The following ANK1 variants were observed in gnomAD, a reference collection of about 807,000 sequenced individuals.
The protein encoded by ANK1 is ankyrin-1.
In ANK1, 51 loss-of-function variants were observed where a neutral mutation model predicts 210.4. That is an observed-to-expected ratio of 0.24 (90% CI 0.19 to 0.31). The LOEUF is 0.31. ANK1 is among the 10% of genes least tolerant of loss of function. ANK1 has a pLI of 1.00. For synonymous variants in ANK1, 967 were observed against 1,025.9 expected (o/e 0.94, Z 1.10); for missense variants, 2,051 against 2,504.4 (o/e 0.82, Z 3.86).
intron 11 of ANK1, among the ~76,000 whole-genome samples, chr8:41,717,904 T>C (rs1274532169): frequency 6.6e-6 from 1 of 152,206 alleles, no homozygotes; most frequent in Non-Finnish European, 1.5e-5. Flanking sequence ...TTGCAAAAAT[T>C]GTGTCTGATC....
intron 1 of ANK1, among the ~76,000 whole-genome samples, chr8:41,860,250 C>A (rs568303718): frequency 1.3e-5 from 2 of 152,166 alleles, no homozygotes; most frequent in African/African-American, 4.8e-5. Flanking sequence ...ATTTATCCCC[C>A]ACGCTGGACA....
intron 2 of ANK1, among the ~76,000 whole-genome samples, chr8:41,734,546 T>C (rs1475193601): frequency 6.6e-6 from 1 of 152,136 alleles, no homozygotes; most frequent in Non-Finnish European, 1.5e-5. Flanking sequence ...GAGAAATGAA[T>C]ACCACCAACC....
intron 37 of ANK1, 90 bp downstream of exon 37, chr8:41,684,454 G>T: frequency 6.4e-7 from 1 of 1,571,482 alleles, no homozygotes; most frequent in Non-Finnish European, 8.7e-7. Context: ...GGGCTTTGAG[G>T]GATGACGTAT....
At chr8:41,853,289 T>C (rs1204169504) in intron 1 of ANK1, among the ~76,000 whole-genome samples, 1 of 152,232 alleles carries the variant, frequency 6.6e-6, no homozygotes, top group Non-Finnish European at 1.5e-5. Context: ...TGATTTACTC[T>C]ACAAAAATGT....
intron 17 of ANK1, among the ~76,000 whole-genome samples, chr8:41,708,485 A>G (rs947728889): frequency 1.3e-5 from 2 of 152,202 alleles, no homozygotes; most frequent in African/African-American, 2.4e-5. Flanking sequence ...GGGAAAGTTT[A>G]TTATGGATTT....
intron 12 of ANK1, among the ~76,000 whole-genome samples, 170 bp from the exon 13 acceptor site, chr8:41,717,221 ATGTATGTG>A (rs1320209645): frequency 6.6e-6 from 1 of 152,162 alleles, no homozygotes; most frequent in African/African-American, 2.4e-5. Flanking sequence ...GTGCATGAGC[ATGTATGTG>A]TGTATGTGTG....
chr8:41,835,889 C>A (rs902121210), intron 1 of ANK1, among the ~76,000 whole-genome samples: 1 of 152,202 alleles, frequency 6.6e-6, no homozygotes, highest in African/African-American at 2.4e-5. Flanking sequence ...AGTGTCGCCC[C>A]GCCTGGGAGG....
intron 1 of ANK1, among the ~76,000 whole-genome samples, chr8:41,863,081 G>A (rs1035417011): frequency 2.6e-5 from 4 of 150,962 alleles, no homozygotes; most frequent in African/African-American, 9.7e-5. Context: ...TATTATAGCC[G>A]GGCGCGGTGG....
chr8:41,705,979 CA>C (rs1360841945), intron 18 of ANK1, among the ~76,000 whole-genome samples, 163 bp downstream of exon 18: 1 of 152,198 alleles, frequency 6.6e-6, no homozygotes, highest in East Asian at 1.9e-4. Flanking sequence ...ATGGGAAAGT[CA>C]GGTAATTAGG....
At chr8:41,778,191 C>G (rs1188022398) in intron 1 of ANK1, among the ~76,000 whole-genome samples, 3 of 152,182 alleles carry the variant, frequency 2.0e-5, no homozygotes, top group Non-Finnish European at 4.4e-5. Flanking sequence ...GGTTCCTACT[C>G]TTGGGAAGAC....
intron 1 of ANK1, among the ~76,000 whole-genome samples, chr8:41,878,693 A>T (rs185294960): frequency 6.6e-6 from 1 of 152,288 alleles, no homozygotes; most frequent in African/African-American, 2.4e-5. Flanking sequence ...CATGCACAGG[A>T]CCCTTTTAAG....
At chr8:41,871,678 G>C (rs1157395852) in intron 1 of ANK1, among the ~76,000 whole-genome samples, 2 of 152,122 alleles carry the variant, frequency 1.3e-5, no homozygotes, top group African/African-American at 2.4e-5. Context: ...CCTTGTTCTT[G>C]GGCTTCCAGC....
chr8:41,706,681 A>C (rs1824674701), intron 17 of ANK1, among the ~76,000 whole-genome samples: 1 of 152,206 alleles, frequency 6.6e-6, no homozygotes. Context: ...TTCCATGGTG[A>C]ATTTCAGAGC....
In ANK1 at chr8:41,723,118, T is replaced by C. The variant is rs17661203; in HGVS notation, c.909+7A>G. On this transcript the variant is annotated splice_region_variant and intron_variant, in intron 9 of 42. Coordinates refer to ENST00000289734, the MANE Select transcript of ANK1 (RefSeq NM_000037.4). ...GAAAATGCGCCTGACAGGAAGGAAG[T>C]ACACACCTTGGTTTTGGCTTGGATT... The C allele has an allele frequency of 0.053, 85,463 of 1,613,864 alleles. 2,633 individuals carry two copies. Among genetic ancestry groups the C allele is most frequent in the Admixed American group, 0.06 (3,619 of 60,018 alleles).
intron 1 of ANK1, among the ~76,000 whole-genome samples, chr8:41,763,823 T>C (rs1017127059): frequency 6.6e-6 from 1 of 151,652 alleles, no homozygotes; most frequent in South Asian, 2.1e-4. Context: ...GTCACCTAGA[T>C]AGTTAGCAGT....
chr8:41,677,435 G>C (rs1379100143), intron 37 of ANK1, among the ~76,000 whole-genome samples: 1 of 151,964 alleles, frequency 6.6e-6, no homozygotes, highest in Non-Finnish European at 1.5e-5. Flanking sequence ...AGGTAGAAAA[G>C]TCTTTATTTT....
chr8:41,718,268 G>A (rs1262682695), intron 10 of ANK1, 64 bp from the exon 11 acceptor site: 3 of 1,528,846 alleles, frequency 2.0e-6, no homozygotes, highest in Admixed American at 1.7e-5. Context: ...GGAACGCCCA[G>A]AAGACCACCT....
chr8:41,876,041 C>T (rs1361240038), intron 1 of ANK1, among the ~76,000 whole-genome samples: 2 of 151,992 alleles, frequency 1.3e-5, no homozygotes, highest in Non-Finnish European at 2.9e-5. Context: ...GTTCGCGGCC[C>T]GCAACCGGCA....
chr8:41,659,560 C>A (rs965266105), intron 42 of ANK1, among the ~76,000 whole-genome samples: 4 of 152,158 alleles, frequency 2.6e-5, no homozygotes, highest in African/African-American at 9.7e-5. Context: ...AATTAGGAAG[C>A]CTTTGGGCCC....
Sources: gnomAD v4.1 joint callset for allele counts (sites outside exome capture counted in the v4.1 genomes callset) on GRCh38, gnomAD v4.1.1 for gene constraint, MANE v1.5 for transcripts, NCBI Gene and HGNC (gene_info 2026-07-23, HGNC 2026-07-21) for gene names.